SLC39A14: variants seen among roughly 807,000 people sequenced by gnomAD.
SLC39A14 encodes the protein solute carrier family 39 member 14.
A neutral mutation model predicts 45.5 loss-of-function variants in SLC39A14; 19 were observed. The ratio of observed to expected loss-of-function variants is 0.42; its 90% confidence interval spans 0.29 to 0.61. The LOEUF (loss-of-function observed/expected upper bound fraction) is 0.61, where lower values mean the gene tolerates loss of function less well. Among genes scored for constraint, SLC39A14 ranks in the 20% least tolerant of loss-of-function variants. The pLI is 0.22. For missense variants in SLC39A14, 447 were observed against 616.5 expected, an observed-to-expected ratio of 0.73 and a Z score of 2.91; for synonymous variants, 264 against 251.3, an observed-to-expected ratio of 1.05 and a Z score of -0.48.
chr8:22,408,348 C>A lies in SLC39A14; in HGVS notation c.309C>A (p.Phe103Leu), dbSNP rs762162034. 1 of 1,614,216 alleles carries A rather than the reference C, an allele frequency of 6.2e-7. No homozygotes were observed. Among genetic ancestry groups the A allele is most frequent in the Admixed American group, 1.7e-5 (1 of 60,028 alleles). Residue 103 changes from phenylalanine (F) to leucine (L), a missense_variant, in exon 3 of 9, where the codon TTC (phenylalanine) becomes TTA (leucine). By Grantham distance (22) the Phe-to-Leu change is conservative. This residue lies in a region of SLC39A14 where 342 missense variants were observed against 428.1 expected (regional missense o/e 0.80). Coordinates refer to ENST00000381237, the MANE Select transcript of SLC39A14 (RefSeq NM_001128431.4). ...SSGDLFTAHN[F>L]SEQSRIGSSE... ...GAGACCTCTTCACTGCCCACAATTT[C>A]AGCGAGCAGTCGCGGATTGGGAGCA...
chr8:22,432,737 TC>T (rs1183566625), intron 8 of SLC39A14, among the ~76,000 whole-genome samples: 26 of 143,188 alleles, frequency 1.8e-4, no homozygotes, highest in African/African-American at 6.6e-4. Flanking sequence ...AACCTCCGGC[TC>T]CCAGGTTCAA....
rs1178816122 is a variant in SLC39A14, at chr8:22,420,268, T to A, written c.*570T>A. ...CAGAACACATGAGCAGGGTGAGAGG[T>A]GAGGCAAGGTTCATCCTGAATGGGA... On this transcript the variant is annotated 3_prime_UTR_variant, in exon 9 of 9. Transcript: ENST00000381237. The A allele has an allele frequency of 1.0e-6, 1 of 985,446 alleles. No individual in the cohort carries two copies. The highest frequency in any genetic ancestry group is 1.7e-5 in the African/African-American group (1 of 57,322). The allele number at this position is 985,446 out of a possible 1,614,324, so 61.0% of individuals were successfully genotyped here.
chr8:22,389,395 G>A (rs1586670962), intron 1 of SLC39A14, among the ~76,000 whole-genome samples: 1 of 152,040 alleles, frequency 6.6e-6, no homozygotes, highest in Non-Finnish European at 1.5e-5. Context: ...AGGAGGAGTC[G>A]GGCGTGAGCG....
At chr8:22,433,893 G>T in exon 9 of SLC39A14, 1 of 358,214 alleles carries the variant, frequency 2.8e-6, no homozygotes, top group Non-Finnish European at 5.6e-6. Flanking sequence ...TTTTTTAGAT[G>T]GAGTTTTGCT....
Position 22,412,039 on chromosome 8 carries a change from TG to T in SLC39A14, c.464del (p.Gly155AspfsTer7). On this transcript the variant is annotated frameshift_variant, in exon 4 of 9. Coordinates refer to ENST00000381237, the MANE Select transcript of SLC39A14 (RefSeq NM_001128431.4). LOFTEE classifies it high-confidence loss of function. ...CTGGCCCTCCCTCCGCACGGCAGTGTGGGGATACGGTCTCCTCTGTGTGACC... is the reference window on the plus strand; with the variant it reads ...CTGGCCCTCCCTCCGCACGGCAGTGTGGGATACGGTCTCCTCTGTGTGACC... ...EEGRPSAVEV[W>X]GYGLLCVTVI... 1 of 1,550,662 alleles carries T rather than the reference TG, an allele frequency of 6.4e-7. No homozygotes were observed.
At chr8:22,415,152 C>G in intron 5 of SLC39A14, 3 of 453,718 alleles carry the variant, frequency 6.6e-6, no homozygotes, top group Admixed American at 8.4e-5. Flanking sequence ...TTGTTTTGTT[C>G]TAAGATTATT....
chr8:22,381,347 G>T (rs1007918276), intron 1 of SLC39A14, among the ~76,000 whole-genome samples: 16 of 149,806 alleles, frequency 1.1e-4, no homozygotes, highest in Non-Finnish European at 1.8e-4. Flanking sequence ...CTAGGCTCAC[G>T]GCAAGCTCCG....
At chr8:22,410,716 T>C (rs1322095431) in intron 3 of SLC39A14, among the ~76,000 whole-genome samples, 1 of 152,238 alleles carries the variant, frequency 6.6e-6, no homozygotes, top group Non-Finnish European at 1.5e-5. Flanking sequence ...TCTTGACTTT[T>C]TTCTGATAGG....
Position 22,420,345 on chromosome 8 carries a change from A to C in SLC39A14, c.*647A>C, listed in dbSNP as rs1308206852. ...CTTGTCAGGATGCTCACTTGTTCCT[A>C]CTGAGATGCTGGATATTGATTTTGT... On this transcript the variant is annotated 3_prime_UTR_variant, in exon 9 of 9. Transcript: ENST00000381237. The C allele has an allele frequency of 2.0e-6, 2 of 985,290 alleles. No individual in the cohort carries two copies. The highest frequency in any genetic ancestry group is 1.7e-5 in the African/African-American group (1 of 57,218). The allele number at this position is 985,290 out of a possible 1,614,324, so 61.0% of individuals were successfully genotyped here.
At chr8:22,386,805 A>G (rs1833819270) in intron 1 of SLC39A14, among the ~76,000 whole-genome samples, 1 of 152,208 alleles carries the variant, frequency 6.6e-6, no homozygotes, top group Non-Finnish European at 1.5e-5. Flanking sequence ...GGAGTTTACA[A>G]TGCAGTGTCT....
At chr8:22,426,731 T>C (rs2132398918), downstream of SLC39A14, among the ~76,000 whole-genome samples, 1 of 152,198 alleles carries the variant, frequency 6.6e-6, no homozygotes. Context: ...TTGCCCAGGC[T>C]GGAGTGCAGT....
intron 1 of SLC39A14, among the ~76,000 whole-genome samples, chr8:22,389,100 T>C (rs1833934298): frequency 6.6e-6 from 1 of 152,064 alleles, no homozygotes; most frequent in Non-Finnish European, 1.5e-5. Flanking sequence ...GATCTGGAGA[T>C]GGAATGAAAA....
chr8:22,383,600 C>A (rs1042271238), intron 1 of SLC39A14, among the ~76,000 whole-genome samples: 3 of 152,116 alleles, frequency 2.0e-5, no homozygotes, highest in Non-Finnish European at 4.4e-5. Context: ...TAGAGCACAG[C>A]GTACTTGAGG....
chr8:22,399,185 G>A (rs915433661), intron 1 of SLC39A14, among the ~76,000 whole-genome samples: 5 of 152,198 alleles, frequency 3.3e-5, no homozygotes, highest in African/African-American at 9.6e-5. Context: ...ACATGGAATG[G>A]AACCTGGCGT....
At chr8:22,397,920 T>C (rs1834601635) in intron 1 of SLC39A14, among the ~76,000 whole-genome samples, 1 of 152,182 alleles carries the variant, frequency 6.6e-6, no homozygotes, top group South Asian at 2.1e-4. Flanking sequence ...GCTACCTTTG[T>C]AGTTACTGTC....
rs776367326 is a variant in SLC39A14 at position 22,419,600 on chromosome 8, A to G, written c.1381A>G (p.Ile461Val). The G allele has an allele frequency of 5.6e-6, 9 of 1,614,074 alleles. No homozygotes were observed. The highest frequency in any genetic ancestry group is 1.6e-4 in the Middle Eastern group (1 of 6,084). The part of the protein sequence containing the change: ...VCQEDERKGS[I>V]LIPFIIQNLG... ...TCAAGAGGATGAAAGGAAGGGCAGC[A>G]TCTTGATTCCATTTATCATCCAGAA... Residue 461 changes from isoleucine to valine, a missense_variant, in exon 9 of 9, where the codon ATC becomes GTC. By Grantham distance (29) the Ile-to-Val change is conservative. Transcript: ENST00000381237.
intron 7 of SLC39A14, among the ~76,000 whole-genome samples, chr8:22,417,103 C>T (rs774896253): frequency 2.0e-4 from 31 of 152,206 alleles, no homozygotes; most frequent in South Asian, 4.1e-4. Flanking sequence ...TTAGGGACGA[C>T]GTAGGGTCAA....
intron 3 of SLC39A14, among the ~76,000 whole-genome samples, chr8:22,409,282 C>T (rs928392458): frequency 2.0e-5 from 3 of 152,198 alleles, no homozygotes; most frequent in Non-Finnish European, 1.5e-5. Flanking sequence ...ATAGGGCCGG[C>T]GTGTGCTGCC....
At position 22,421,957 on chromosome 8, in the gene SLC39A14, A is replaced by G; in HGVS notation, c.*2259A>G. On this transcript the variant is annotated 3_prime_UTR_variant, in exon 9 of 9. Transcript: ENST00000381237. Reference sequence around the variant, plus strand: ...ATCCTCTTTAAACCGTAGTTGGCGCAGAGGTCAGTCCTAGTCGGAGCTTAG... The same window carrying G: ...ATCCTCTTTAAACCGTAGTTGGCGCGGAGGTCAGTCCTAGTCGGAGCTTAG... 1 of 985,474 alleles carries G rather than the reference A, an allele frequency of 1.0e-6. No homozygotes were observed. The highest frequency in any genetic ancestry group is 4.7e-5 in the South Asian group (1 of 21,284). 61.0% of individuals were successfully genotyped at this position (985,474 alleles called of 1,614,324 possible).
Sources: allele counts gnomAD v4.1 joint callset (sites outside exome capture counted in the v4.1 genomes callset), GRCh38; gene constraint gnomAD v4.1.1; regional missense constraint gnomAD v4.1.1; transcripts MANE v1.5; gene names NCBI Gene and HGNC (gene_info 2026-07-23, HGNC 2026-07-21).